VAV3: variants seen among roughly 807,000 people sequenced by gnomAD.
VAV3 encodes guanine nucleotide exchange factor VAV3.
In VAV3, 94 loss-of-function variants were observed where a neutral mutation model predicts 131.2. The observed-to-expected ratio is 0.72, with a 90% confidence interval of 0.61 to 0.85. The LOEUF (loss-of-function observed/expected upper bound fraction) is 0.85. Among genes scored for constraint, VAV3 ranks in the 40% least tolerant of loss-of-function variants. The pLI, the probability that VAV3 is intolerant of heterozygous loss-of-function variation, is 0.00. For missense variants in VAV3, 939 were observed against 1,002.7 expected, an observed-to-expected ratio of 0.94 and a Z score of 0.86; for synonymous variants, 349 against 342.0, an observed-to-expected ratio of 1.02 and a Z score of -0.22.
chr1:107,580,218 G>A (rs1442531013), intron 25 of VAV3, among the ~76,000 whole-genome samples: 1 of 152,128 alleles, frequency 6.6e-6, no homozygotes, highest in African/African-American at 2.4e-5. Context: ...CAAGTATCTC[G>A]GCAGGGTATT....
chr1:107,617,478 TG>T, intron 21 of VAV3, 88 bp downstream of exon 21: 1 of 1,050,690 alleles, frequency 9.5e-7, no homozygotes, highest in Non-Finnish European at 1.4e-6. Flanking sequence ...ATAACTGACC[TG>T]GCCAGTATCC....
At chr1:107,765,880 T>C (rs1443024586) in intron 8 of VAV3, among the ~76,000 whole-genome samples, 1 of 152,200 alleles carries the variant, frequency 6.6e-6, no homozygotes, top group Non-Finnish European at 1.5e-5. Context: ...TTCTTAGTAC[T>C]AGGAAATACG....
intron 20 of VAV3, among the ~76,000 whole-genome samples, chr1:107,636,170 G>A (rs1036203433): frequency 1.3e-5 from 2 of 152,200 alleles, no homozygotes; most frequent in African/African-American, 4.8e-5. Context: ...TTATGGAATT[G>A]CATTTGAATT....
intron 2 of VAV3, among the ~76,000 whole-genome samples, chr1:107,799,211 A>G (rs1312517037): frequency 6.6e-6 from 1 of 152,106 alleles, no homozygotes; most frequent in Non-Finnish European, 1.5e-5. Context: ...TACCTTGGGT[A>G]GTCCCCTGGC....
At chr1:107,698,677 T>G (rs115523652) in intron 17 of VAV3, among the ~76,000 whole-genome samples, 527 of 152,290 alleles carry the variant, frequency 3.5e-3, no homozygotes, top group African/African-American at 0.01. Context: ...TGTTAGTCCA[T>G]TCTCACACTG....
intron 20 of VAV3, among the ~76,000 whole-genome samples, chr1:107,639,220 T>C (rs1364014780): frequency 6.6e-6 from 1 of 152,078 alleles, no homozygotes; most frequent in Non-Finnish European, 1.5e-5. Context: ...ACTATAAGCC[T>C]TCTAGAAGAT....
chr1:107,844,847 C>A (rs1282415987), intron 2 of VAV3, among the ~76,000 whole-genome samples: 2 of 152,320 alleles, frequency 1.3e-5, no homozygotes, highest in South Asian at 2.1e-4. Flanking sequence ...TGGGACAGAG[C>A]ACCTGGGGGA....
At chr1:107,775,044 T>C (rs1665270312) in intron 4 of VAV3, among the ~76,000 whole-genome samples, 1 of 152,102 alleles carries the variant, frequency 6.6e-6, no homozygotes, top group Admixed American at 6.5e-5. Flanking sequence ...ATTTCTTTAA[T>C]CCTGCAAATA....
At chr1:107,611,490 G>C (rs1455070454) in intron 21 of VAV3, among the ~76,000 whole-genome samples, 4 of 151,618 alleles carry the variant, frequency 2.6e-5, no homozygotes, top group Non-Finnish European at 4.4e-5. Context: ...AGATATACAT[G>C]GCTTCTGAAA....
chr1:107,674,706 A>G (rs917318064), intron 19 of VAV3, among the ~76,000 whole-genome samples: 1 of 152,166 alleles, frequency 6.6e-6, no homozygotes, highest in Non-Finnish European at 1.5e-5. Flanking sequence ...CTCTGCTGAA[A>G]AACCCCAATG....
At chr1:107,846,917 T>C (rs1195648202) in intron 2 of VAV3, among the ~76,000 whole-genome samples, 1 of 152,126 alleles carries the variant, frequency 6.6e-6, no homozygotes, top group Non-Finnish European at 1.5e-5. Context: ...CTGGACCAAC[T>C]GGACCTAATA....
At chr1:107,734,687 C>T (rs1256591405) in intron 15 of VAV3, among the ~76,000 whole-genome samples, 1 of 152,096 alleles carries the variant, frequency 6.6e-6, no homozygotes, top group East Asian at 1.9e-4. Context: ...GCACCCAATA[C>T]AGGAGCACCC....
At chr1:107,838,548 C>CAA (rs1668568969) in intron 2 of VAV3, among the ~76,000 whole-genome samples, 1 of 152,136 alleles carries the variant, frequency 6.6e-6, no homozygotes, top group Non-Finnish European at 1.5e-5. Context: ...GGAGATTTCT[C>CAA]AAAGAACTAA....
At chr1:107,734,448 T>C (rs1662460330) in intron 15 of VAV3, among the ~76,000 whole-genome samples, 1 of 152,198 alleles carries the variant, frequency 6.6e-6, no homozygotes, top group African/African-American at 2.4e-5. Flanking sequence ...ATCAGTGTGC[T>C]GTATTCAGGA....
rs369891971 is a variant in VAV3, at chr1:107,690,794, C to T, written c.1706-2388G>A. 6.6e-5 allele frequency among the ~76,000 whole-genome samples: 10 copies of T among 152,214 alleles called. No individual in the cohort carries two copies. In the South Asian group the frequency reaches 2.1e-3, roughly 32 times the overall value. On this transcript the variant is annotated intron_variant, in intron 17 of 26. Coordinates refer to ENST00000370056, the MANE Select transcript of VAV3 (RefSeq NM_006113.5). ...GTCCTTTAGTAGGGCTTCCCCTTTG[C>T]CTTTCTCCTTGCTATCCCTTCCTGT...
At chr1:107,783,336 A>AG (rs1359320584) in intron 2 of VAV3, among the ~76,000 whole-genome samples, 2 of 152,152 alleles carry the variant, frequency 1.3e-5, no homozygotes, top group Non-Finnish European at 2.9e-5. Context: ...AGACCAACTG[A>AG]GGGGGCTGTC....
chr1:107,633,836 C>T (rs1440087270), intron 20 of VAV3, among the ~76,000 whole-genome samples: 3 of 152,112 alleles, frequency 2.0e-5, no homozygotes, highest in African/African-American at 7.2e-5. Flanking sequence ...CAGAAAGCCT[C>T]TGCTGAGTTC....
At chr1:107,964,244 C>T (rs180676265) in intron 1 of VAV3, among the ~76,000 whole-genome samples, 54 of 152,290 alleles carry the variant, frequency 3.5e-4, no homozygotes, top group Non-Finnish European at 5.7e-4. Context: ...TTTAGGAAAA[C>T]ATGAGTACAA....
intron 1 of VAV3, among the ~76,000 whole-genome samples, chr1:107,898,272 C>T (rs1332657906): frequency 6.6e-6 from 1 of 152,054 alleles, no homozygotes; most frequent in Non-Finnish European, 1.5e-5. Context: ...AGTGAGAGTT[C>T]CTCTTATTTC....
Sources: gnomAD v4.1 joint callset for allele counts (sites outside exome capture counted in the v4.1 genomes callset) on GRCh38, gnomAD v4.1.1 for gene constraint, MANE v1.5 for transcripts, NCBI Gene and HGNC (gene_info 2026-07-23, HGNC 2026-07-21) for gene names.